TACC2: variants seen among roughly 807,000 people sequenced by gnomAD.
The protein encoded by TACC2 is transforming acidic coiled-coil containing protein 2.
A neutral mutation model predicts 227.3 loss-of-function variants in TACC2; 137 were observed. That is an observed-to-expected ratio of 0.60 (90% confidence interval 0.52 to 0.69). The LOEUF (loss-of-function observed/expected upper bound fraction) is 0.69, where lower values mean the gene tolerates loss of function less well. Ranked by LOEUF, TACC2 falls within the 30% of genes least tolerant of loss-of-function variation. The probability of loss-of-function intolerance (pLI) is 0.00; values close to 1 mark genes in which losing one functional copy is unlikely to be tolerated. For synonymous variants in TACC2, 1,523 were observed against 1,487.5 expected (o/e 1.02, Z -0.55); for missense variants, 3,470 against 3,694.4 (o/e 0.94, Z 1.57).
chr10:122,166,821 G>A (rs1353604914), intron 7 of TACC2, among the ~76,000 whole-genome samples: 1 of 152,174 alleles, frequency 6.6e-6, no homozygotes, highest in Non-Finnish European at 1.5e-5. Context: ...GTGACCATTT[G>A]TTTCTAAATA....
At chr10:122,242,751 G>A (rs556359036) in intron 19 of TACC2, among the ~76,000 whole-genome samples, 2 of 152,206 alleles carry the variant, frequency 1.3e-5, no homozygotes, top group East Asian at 3.9e-4. Flanking sequence ...AACTGGGTCT[G>A]TGGGATTTTT....
At chr10:122,185,491 T>C (rs186956546) in intron 7 of TACC2, among the ~76,000 whole-genome samples, 49 of 152,294 alleles carry the variant, frequency 3.2e-4, no homozygotes, top group Non-Finnish European at 5.4e-4. Flanking sequence ...CCACCGCACC[T>C]GGCCATACTC....
chr10:122,063,187 A>C (rs918168300), intron 3 of TACC2, among the ~76,000 whole-genome samples: 5 of 152,210 alleles, frequency 3.3e-5, no homozygotes, highest in African/African-American at 1.2e-4. Context: ...AAAATCAGAA[A>C]GATCTAAGCT....
chr10:122,213,355 G>A (rs761267022), intron 9 of TACC2: 4 of 1,612,048 alleles, frequency 2.5e-6, no homozygotes, highest in Non-Finnish European at 3.4e-6. Context: ...GGTTGAAGAT[G>A]TGATGTCTGT....
intron 11 of TACC2, among the ~76,000 whole-genome samples, chr10:122,220,253 A>G (rs750913935): frequency 3.3e-5 from 5 of 152,192 alleles, no homozygotes; most frequent in South Asian, 2.1e-4. Context: ...AAAACAGACA[A>G]CTTACTAGCT....
At chr10:122,187,221 G>A (rs1362815897) in intron 7 of TACC2, among the ~76,000 whole-genome samples, 3 of 152,216 alleles carry the variant, frequency 2.0e-5, no homozygotes, top group Non-Finnish European at 4.4e-5. Flanking sequence ...GTGCCACACT[G>A]AGCCCCCTTC....
chr10:122,175,655 G>A (rs756511140), intron 7 of TACC2, among the ~76,000 whole-genome samples: 2 of 152,210 alleles, frequency 1.3e-5, no homozygotes, highest in Non-Finnish European at 2.9e-5. Flanking sequence ...GAAAGGAACC[G>A]AAGGTGTAGG....
At chr10:122,008,264 AT>A (rs71022877) in intron 1 of TACC2, among the ~76,000 whole-genome samples, 31 of 134,660 alleles carry the variant, frequency 2.3e-4, no homozygotes, top group Admixed American at 1.2e-3. Context: ...TATTATTATT[AT>A]TTTTTTTTTT....
chr10:122,226,565 C>A, intron 13 of TACC2, 84 bp downstream of exon 13: 4 of 923,184 alleles, frequency 4.3e-6, no homozygotes, highest in Non-Finnish European at 5.1e-6. Context: ...ATTTTGACTT[C>A]ATTTCAGTGC....
chr10:122,138,136 C>A (rs1202599503), intron 6 of TACC2, among the ~76,000 whole-genome samples: 1 of 151,472 alleles, frequency 6.6e-6, no homozygotes, highest in Non-Finnish European at 1.5e-5. Flanking sequence ...TTTTGTCTTC[C>A]CTCTATGGGT....
At chr10:122,215,349 T>TC (rs748957767) in intron 9 of TACC2, 42 bp from the exon 10 acceptor site, 1 of 1,579,972 alleles carries the variant, frequency 6.3e-7, no homozygotes, top group South Asian at 1.1e-5. Context: ...GAGTGTTCCG[T>TC]CCCTCTGCTT....
Position 122,068,732 on chromosome 10 carries a change from C to T in TACC2, c.147-13915C>T, listed in dbSNP as rs189166719. On this transcript the variant is annotated intron_variant, in intron 3 of 22. Coordinates refer to ENST00000369005, the MANE Select transcript of TACC2 (RefSeq NM_206862.4). ...AGGCTGGAGTGCAGTGGTGCGATCT[C>T]GGGCCACTGCAACCTCCGCTTTCCG... is the stretch of plus-strand genomic sequence containing the variant. Among the ~76,000 whole-genome samples the T allele has an allele frequency of 7.1e-3, 1,069 of 151,262 alleles. 9 individuals are homozygous for T. The highest frequency in any genetic ancestry group is 0.011 in the Non-Finnish European group (749 of 67,896).
rs542494974 is a variant in TACC2 at position 122,228,624 on chromosome 10, A to G, written c.7896+616A>G. Among the ~76,000 whole-genome samples, 5 of 151,408 alleles carry G rather than the reference A, an allele frequency of 3.3e-5. No individual in the cohort carries two copies. In the South Asian group the frequency reaches 6.3e-4, roughly 19 times the overall value. Reference sequence around the variant, plus strand: ...GGTGAATTTTAGTTTTATTTCCTCTACCTCCCGCCCAGCAATCCCCAAGCA... The same window carrying G: ...GGTGAATTTTAGTTTTATTTCCTCTGCCTCCCGCCCAGCAATCCCCAAGCA... On this transcript the variant is annotated intron_variant, in intron 14 of 22. Coordinates refer to ENST00000369005, the MANE Select transcript of TACC2 (RefSeq NM_206862.4).
chr10:122,118,506 G>A (rs906105254), intron 5 of TACC2, among the ~76,000 whole-genome samples: 2 of 152,180 alleles, frequency 1.3e-5, no homozygotes, highest in Non-Finnish European at 2.9e-5. Flanking sequence ...TGGCAGAACA[G>A]ATTTTCGTCA....
intron 2 of TACC2, among the ~76,000 whole-genome samples, chr10:122,028,088 T>TTTTTTTTTTCTTTCTTTCTTGCTTTC (rs1217270392): frequency 9.1e-6 from 1 of 110,004 alleles, no homozygotes; most frequent in Non-Finnish European, 1.8e-5. Context: ...TTCTTTCTTT[T>TTTTTTTTTTCTTTCTTTCTTGCTTTC]TTTTTTTTTT....
intron 11 of TACC2, among the ~76,000 whole-genome samples, chr10:122,224,333 A>T (rs1424091108): frequency 6.6e-6 from 1 of 152,104 alleles, no homozygotes; most frequent in Non-Finnish European, 1.5e-5. Flanking sequence ...CATCATGAGG[A>T]TGTATCATCC....
At chr10:122,048,351 C>T (rs1000225405) in intron 2 of TACC2, among the ~76,000 whole-genome samples, 5 of 151,790 alleles carry the variant, frequency 3.3e-5, no homozygotes, top group Non-Finnish European at 5.9e-5. Flanking sequence ...CTGTGAGCAA[C>T]GTGAGAGGAG....
intron 7 of TACC2, among the ~76,000 whole-genome samples, chr10:122,154,261 C>T (rs562227051): frequency 3.3e-5 from 5 of 152,214 alleles, no homozygotes; most frequent in African/African-American, 4.8e-5. Flanking sequence ...TGCTGCTGCT[C>T]GGACAAAGGA....
rs1591074474 is a variant in TACC2, at chr10:122,016,461, G to A, written c.-45-5476G>A. On this transcript the variant is annotated intron_variant, in intron 1 of 22. Transcript: ENST00000369005. ...ACGTTCCTGTAGTCCCAGCTCCTCGGGAGGCTGAGGCAGAAGAATTGCTTG... is the reference window on the plus strand; with the variant it reads ...ACGTTCCTGTAGTCCCAGCTCCTCGAGAGGCTGAGGCAGAAGAATTGCTTG... 3.3e-5 allele frequency among the ~76,000 whole-genome samples: 5 copies of A among 151,880 alleles called. No individual in the cohort carries two copies. The South Asian group carries it at 1.0e-3, about 32-fold the overall frequency.
Sources: gnomAD v4.1 joint callset for allele counts (sites outside exome capture counted in the v4.1 genomes callset) on GRCh38, gnomAD v4.1.1 for gene constraint, MANE v1.5 for transcripts, NCBI Gene and HGNC (gene_info 2026-07-23, HGNC 2026-07-21) for gene names.